Variants in PNPLA7 observed in about 807,000 individuals in gnomAD.
PNPLA7 encodes the protein patatin like domain 7, lysophospholipase, also known as patatin-like phospholipase domain-containing protein 7.
PNPLA7 carries 153 observed loss-of-function variants against 161.7 expected under a neutral mutation model. The observed-to-expected ratio is 0.95, with a 90% CI of 0.83 to 1.08. The LOEUF is 1.08. Among genes scored for constraint, PNPLA7 ranks in the 50% least tolerant of loss-of-function variants. The pLI, the probability that PNPLA7 is intolerant of heterozygous loss-of-function variation, is 0.00. For missense variants in PNPLA7, 1,739 were observed against 1,856.6 expected (o/e 0.94, Z 1.16); for synonymous variants, 809 against 782.1 (o/e 1.03, Z -0.57).
chr9:137,512,249 C>G (rs559359695), intron 12 of PNPLA7, among the ~76,000 whole-genome samples: 6 of 152,270 alleles, frequency 3.9e-5, no homozygotes, highest in Non-Finnish European at 1.5e-5. Context: ...GTGCAGTGGA[C>G]GCACAGACGT....
intron 4 of PNPLA7, among the ~76,000 whole-genome samples, chr9:137,545,231 G>A (rs60524162): frequency 6.6e-6 from 1 of 152,260 alleles, no homozygotes; most frequent in South Asian, 2.1e-4. Flanking sequence ...CTGTGTCTAG[G>A]TTCCGGAACC....
chr9:137,528,381 G>A (rs937493405), intron 8 of PNPLA7, among the ~76,000 whole-genome samples: 1 of 152,184 alleles, frequency 6.6e-6, no homozygotes, highest in African/African-American at 2.4e-5. Context: ...TGCCCAGGCT[G>A]GAGTGCCATG....
At chr9:137,518,719 C>G (rs1291040153) in intron 11 of PNPLA7, among the ~76,000 whole-genome samples, 4 of 75,792 alleles carry the variant, frequency 5.3e-5, no homozygotes, top group African/African-American at 5.8e-5. Context: ...CCATCCCCCA[C>G]TCACTCACTC....
rs571050592 is a variant in PNPLA7, at chr9:137,524,476, T to C, written c.748-1619A>G. Reference sequence around the variant, plus strand: ...CGTCCATTCAGCAGTCGAAGGATATTTGTGTTGTTTCCACTGGGGACAATT... The same window carrying C: ...CGTCCATTCAGCAGTCGAAGGATATCTGTGTTGTTTCCACTGGGGACAATT... On this transcript the variant is annotated intron_variant, in intron 8 of 34. Transcript: ENST00000406427. This position sits in a 1 kb window ranked among gnomAD's most constrained non-coding sequence, Gnocchi z 4.4. Among the ~76,000 whole-genome samples, 17 of 152,306 alleles carry C rather than the reference T, an allele frequency of 1.1e-4. No individual in the cohort carries two copies. Among genetic ancestry groups the C allele is most frequent in the Non-Finnish European group, 2.4e-4 (16 of 68,012 alleles).
chr9:137,474,745 G>T (rs1383219232), intron 25 of PNPLA7, among the ~76,000 whole-genome samples: 2 of 151,682 alleles, frequency 1.3e-5, no homozygotes, highest in Non-Finnish European at 2.9e-5. Context: ...GGGCGCAGTG[G>T]CTCACGCCTG....
At chr9:137,542,277 C>T (rs558724393) in intron 7 of PNPLA7, among the ~76,000 whole-genome samples, 19 of 151,950 alleles carry the variant, frequency 1.3e-4, no homozygotes, top group Non-Finnish European at 2.5e-4. Context: ...CTGATGAGCC[C>T]GGACAACAAA....
rs993124408 is a variant in PNPLA7, at chr9:137,540,611, C to T, written c.747+31G>A. The T allele has an allele frequency of 1.4e-5, 22 of 1,580,440 alleles. No homozygotes were observed. The highest frequency in any genetic ancestry group is 1.7e-4 in the Middle Eastern group (1 of 6,038). On this transcript the variant is annotated intron_variant, in intron 8 of 34. Transcript: ENST00000406427. The surrounding 1 kb of genome is among the most constrained non-coding windows in gnomAD (Gnocchi z 5.1). ...CAGGCCTCCGGGGCCAACCCAGGGG[C>T]GCCCGGAGGGCCAGGCAGCGGGGGA...
At chr9:137,462,932 G>A (rs1222943590) in intron 29 of PNPLA7, 99 bp from the exon 30 acceptor site, 2 of 1,506,184 alleles carry the variant, frequency 1.3e-6, no homozygotes, top group South Asian at 1.2e-5. Context: ...GGGGGTTGTG[G>A]GGTCTCCTCT....
intron 25 of PNPLA7, among the ~76,000 whole-genome samples, chr9:137,473,568 G>C (rs1831808854): frequency 6.6e-6 from 1 of 152,140 alleles, no homozygotes; most frequent in Non-Finnish European, 1.5e-5. Flanking sequence ...ATCTACAAAA[G>C]ACTCGTGTTC....
chr9:137,477,929 CG>C, intron 25 of PNPLA7, 104 bp downstream of exon 25: 1 of 959,842 alleles, frequency 1.0e-6, no homozygotes, highest in Non-Finnish European at 1.4e-6. Context: ...GTCTCGTCTG[CG>C]GGTGACACCC....
intron 14 of PNPLA7, among the ~76,000 whole-genome samples, chr9:137,502,956 AG>A (rs1472777254): frequency 2.6e-5 from 4 of 151,908 alleles, no homozygotes; most frequent in Admixed American, 2.6e-4. Context: ...ACGGTACGGA[AG>A]GGGTGCAGAG....
intron 33 of PNPLA7, chr9:137,461,093 C>T (rs1831167140): frequency 1.4e-5 from 5 of 344,908 alleles, no homozygotes; most frequent in East Asian, 1.2e-4. Flanking sequence ...GCCATGAAGA[C>T]GTCTCCCAGG....
intron 12 of PNPLA7, 61 bp from the exon 13 acceptor site, chr9:137,506,144 G>A (rs1029958727): frequency 2.6e-5 from 37 of 1,442,162 alleles, no homozygotes; most frequent in Non-Finnish European, 3.3e-5. Context: ...AACGTCCGCG[G>A]TGTGGGCTGA....
In PNPLA7 at chr9:137,462,741, G is replaced by A. The variant is rs546218119; in HGVS notation, c.3436C>T (p.Leu1146=). 3.8e-5 allele frequency: 62 copies of A among 1,614,022 alleles called. No individual in the cohort carries two copies. In the East Asian group the frequency reaches 1.2e-3, roughly 32 times the overall value. ...ETDLTNYGDA[L]SGWWLLWKRW... is the part of the protein sequence containing the mutation. Reference sequence around the variant, plus strand: ...TTCCACAGCAGCCACCACCCAGACAGCGCATCCCCATAGTTGGTGAGGTCC... The same window carrying A: ...TTCCACAGCAGCCACCACCCAGACAACGCATCCCCATAGTTGGTGAGGTCC... The change falls in exon 30 of 35, where the codon CTG becomes TTG. Residue 1146 remains leucine, a synonymous_variant. Coordinates refer to ENST00000406427, the MANE Select transcript of PNPLA7 (RefSeq NM_001098537.3).
intron 4 of PNPLA7, among the ~76,000 whole-genome samples, chr9:137,545,823 T>C (rs11137125): frequency 0.028 from 4,042 of 144,976 alleles, 69 homozygotes; most frequent in Non-Finnish European, 0.037. Context: ...CTTGGTCTAG[T>C]GGTGACGCCA....
chr9:137,550,391 T>C lies in PNPLA7; in HGVS notation c.-194A>G, dbSNP rs2132689143. The C allele has an allele frequency of 3.0e-6, 2 of 662,966 alleles. No individual in the cohort carries two copies. The highest frequency in any genetic ancestry group is 1.8e-5 in the South Asian group (1 of 55,028). The allele number at this position is 662,966 out of a possible 1,614,324, so 41.1% of individuals were successfully genotyped here. ...GGAAGAAAAGCTGTCTTTTGAGAAGTGTCTGTCATCTGCTAGGAGCCACCT... is the reference window on the plus strand; with the variant it reads ...GGAAGAAAAGCTGTCTTTTGAGAAGCGTCTGTCATCTGCTAGGAGCCACCT... On this transcript the variant is annotated 5_prime_UTR_variant, in exon 1 of 35. Coordinates refer to ENST00000406427, the MANE Select transcript of PNPLA7 (RefSeq NM_001098537.3).
Position 137,548,766 on chromosome 9 carries a change from G to A in PNPLA7, c.31-1107C>T, listed in dbSNP as rs557686355. ...CCATCTCAAAAAAAAGAAAACTCAG[G>A]GAAGTCAGAAGAGCACTCAGAAACG... On this transcript the variant is annotated intron_variant, in intron 1 of 34. Transcript: ENST00000406427. 3.0e-4 allele frequency among the ~76,000 whole-genome samples: 45 copies of A among 152,220 alleles called. 1 individual carries two copies. Among genetic ancestry groups the A allele is most frequent in the Middle Eastern group, 6.8e-3 (2 of 294 alleles).
At chr9:137,516,521 C>A in intron 11 of PNPLA7, 1 of 985,356 alleles carries the variant, frequency 1.0e-6, no homozygotes, top group Non-Finnish European at 1.2e-6. Context: ...CTAAAATACA[C>A]TTTGAGGCCA....
chr9:137,462,333 T>G lies in PNPLA7; in HGVS notation c.3493-2A>C. 1 of 1,594,914 alleles carries G rather than the reference T, an allele frequency of 6.3e-7. No individual in the cohort carries two copies. The highest frequency in any genetic ancestry group is 2.2e-5 in the East Asian group (1 of 44,676). On this transcript the variant is annotated splice_acceptor_variant, in intron 30 of 34. Coordinates refer to ENST00000406427, the MANE Select transcript of PNPLA7 (RefSeq NM_001098537.3). LOFTEE classifies it high-confidence loss of function. ...CTGAATCTCTGCCATGTTCAACACC[T>G]GCTGCCGTCACAGCCGCCTGAGTCT... is the stretch of plus-strand genomic sequence containing the variant.
Sources: allele counts gnomAD v4.1 joint callset (sites outside exome capture counted in the v4.1 genomes callset), GRCh38; gene constraint gnomAD v4.1.1; non-coding constraint Gnocchi (gnomAD v3.1); transcripts MANE v1.5; gene names NCBI Gene and HGNC (gene_info 2026-07-23, HGNC 2026-07-21).